The following RCAN1 variants were observed in gnomAD, a reference collection of about 807,000 sequenced individuals.
RCAN1 encodes the protein calcipressin-1.
Under a neutral mutation model 22.9 loss-of-function variants are expected in RCAN1, and 11 were observed. That is an observed-to-expected ratio of 0.48 (90% CI 0.30 to 0.79). The LOEUF (loss-of-function observed/expected upper bound fraction) is 0.79, where lower values mean the gene tolerates loss of function less well. RCAN1 is among the 30% of genes least tolerant of loss of function. The pLI is 0.06. For synonymous variants in RCAN1, 136 were observed against 142.3 expected, an observed-to-expected ratio of 0.96 and a Z score of 0.32; for missense variants, 291 against 337.8, an observed-to-expected ratio of 0.86 and a Z score of 1.09.
At chr21:34,519,933 CTG>C in intron 3 of RCAN1, among the ~76,000 whole-genome samples, 1 of 152,250 alleles carries the variant, frequency 6.6e-6, no homozygotes, top group Non-Finnish European at 1.5e-5. Context: ...GCTCAGCTCT[CTG>C]AGAGAGAGAA....
chr21:34,556,673 A>T (rs941331988), intron 1 of RCAN1, among the ~76,000 whole-genome samples: 1 of 152,214 alleles, frequency 6.6e-6, no homozygotes, highest in Non-Finnish European at 1.5e-5. Flanking sequence ...ATTGTAATAC[A>T]GTCAGTAGCA....
intron 1 of RCAN1, among the ~76,000 whole-genome samples, chr21:34,563,792 T>TAGAG (rs1400313535): frequency 0.025 from 1,878 of 74,512 alleles, 23 homozygotes; most frequent in Non-Finnish European, 0.037. Context: ...TATATATATA[T>TAGAG]ATAGAGAGAG....
intron 1 of RCAN1, among the ~76,000 whole-genome samples, chr21:34,561,453 CAGG>C (rs1248605497): frequency 1.3e-5 from 2 of 152,292 alleles, no homozygotes; most frequent in Middle Eastern, 3.4e-3. Context: ...TTTTTGATGT[CAGG>C]AACTGTGATT....
In RCAN1 at chr21:34,591,584, G is replaced by A. The variant is rs574228742; in HGVS notation, c.252+23176C>T. ...AACCCTGGAGGATCAGAATAAAGTG[G>A]AGGAAAATTAAAGCTGAGCTTTGAG... On this transcript the variant is annotated intron_variant, in intron 1 of 3. Coordinates refer to ENST00000313806, the MANE Select transcript of RCAN1 (RefSeq NM_004414.7). Among the ~76,000 whole-genome samples, 98 of 152,164 alleles carry A rather than the reference G, an allele frequency of 6.4e-4. 1 individual carries two copies. The highest frequency in any genetic ancestry group is 1.2e-3 in the Non-Finnish European group (80 of 68,042).
At chr21:34,536,529 C>G (rs939903710) in intron 1 of RCAN1, among the ~76,000 whole-genome samples, 2 of 152,156 alleles carry the variant, frequency 1.3e-5, no homozygotes, top group African/African-American at 4.8e-5. Flanking sequence ...GTCCTTCACA[C>G]GCAAAGTAGG....
intron 1 of RCAN1, among the ~76,000 whole-genome samples, chr21:34,594,438 G>C (rs1428953823): frequency 6.6e-6 from 1 of 152,142 alleles, no homozygotes; most frequent in Non-Finnish European, 1.5e-5. Context: ...TGTACTCCCA[G>C]TTACTCCAGA....
At chr21:34,594,424 T>C (rs1988079862) in intron 1 of RCAN1, among the ~76,000 whole-genome samples, 1 of 152,096 alleles carries the variant, frequency 6.6e-6, no homozygotes, top group African/African-American at 2.4e-5. Context: ...TGGTAGCACA[T>C]GCCTGTACTC....
chr21:34,570,233 A>G (rs1987187713), intron 1 of RCAN1, among the ~76,000 whole-genome samples: 1 of 152,250 alleles, frequency 6.6e-6, no homozygotes, highest in Non-Finnish European at 1.5e-5. Context: ...TGTAGAGGTT[A>G]AAAACTGTTA....
chr21:34,553,031 AG>A (rs1986425566), intron 1 of RCAN1, among the ~76,000 whole-genome samples: 1 of 152,240 alleles, frequency 6.6e-6, no homozygotes, highest in Non-Finnish European at 1.5e-5. Context: ...AGCACAACAC[AG>A]GGAGAAGCAA....
intron 2 of RCAN1, chr21:34,523,219 G>A (rs557280880): frequency 2.4e-5 from 6 of 254,022 alleles, no homozygotes; most frequent in African/African-American, 8.9e-5. Context: ...AACCTGCTGC[G>A]CAAACCTTAG....
At chr21:34,569,172 G>T (rs1042174717) in intron 1 of RCAN1, among the ~76,000 whole-genome samples, 1 of 152,196 alleles carries the variant, frequency 6.6e-6, no homozygotes, top group Non-Finnish European at 1.5e-5. Flanking sequence ...CACTTAGTGT[G>T]TAAATTTTAG....
At chr21:34,532,472 C>T (rs529658762) in intron 1 of RCAN1, among the ~76,000 whole-genome samples, 4 of 152,358 alleles carry the variant, frequency 2.6e-5, no homozygotes, top group Admixed American at 2.6e-4. Flanking sequence ...TATGTGATGA[C>T]ACCCTGGTTC....
At chr21:34,537,922 T>C (rs1985746164) in intron 1 of RCAN1, among the ~76,000 whole-genome samples, 2 of 152,202 alleles carry the variant, frequency 1.3e-5, no homozygotes, top group South Asian at 4.1e-4. Context: ...CTGTGAAATG[T>C]TGTCTCCCAC....
intron 1 of RCAN1, among the ~76,000 whole-genome samples, chr21:34,547,019 A>G (rs1986172099): frequency 6.6e-6 from 1 of 152,176 alleles, no homozygotes; most frequent in African/African-American, 2.4e-5. Context: ...TGGGGCCCAC[A>G]CTTTTGCAAG....
intron 1 of RCAN1, among the ~76,000 whole-genome samples, chr21:34,564,450 G>A (rs758673802): frequency 8.5e-5 from 13 of 152,290 alleles, no homozygotes; most frequent in East Asian, 1.9e-4. Flanking sequence ...GCCAGGCTGC[G>A]ATTTGGGGGA....
intron 1 of RCAN1, among the ~76,000 whole-genome samples, chr21:34,600,722 TAG>T (rs1324633911): frequency 2.6e-5 from 4 of 152,242 alleles, no homozygotes; most frequent in Non-Finnish European, 4.4e-5. Flanking sequence ...AAAAAGTGTT[TAG>T]AGTCTTAAGT....
At chr21:34,609,827 C>T (rs940043833) in intron 1 of RCAN1, among the ~76,000 whole-genome samples, 1 of 152,132 alleles carries the variant, frequency 6.6e-6, no homozygotes, top group Non-Finnish European at 1.5e-5. Flanking sequence ...TGAAAAACAT[C>T]TGATTTTAGA....
intron 1 of RCAN1, among the ~76,000 whole-genome samples, chr21:34,535,891 C>A (rs1601148851): frequency 7.6e-6 from 1 of 131,718 alleles, no homozygotes; most frequent in Non-Finnish European, 1.6e-5. Context: ...AAAAAAAAAT[C>A]CAAGTATAAA....
At chr21:34,529,644 T>C (rs1356491277) in intron 1 of RCAN1, among the ~76,000 whole-genome samples, 1 of 152,230 alleles carries the variant, frequency 6.6e-6, no homozygotes, top group Admixed American at 6.5e-5. Context: ...CTTTCCTACT[T>C]GTATATTCCT....
Sources: gnomAD v4.1 joint callset for allele counts (sites outside exome capture counted in the v4.1 genomes callset) on GRCh38, gnomAD v4.1.1 for gene constraint, MANE v1.5 for transcripts, NCBI Gene and HGNC (gene_info 2026-07-23, HGNC 2026-07-21) for gene names.